The following TFCP2 variants were observed in gnomAD, a reference collection of about 807,000 sequenced individuals.
TFCP2 encodes the protein alpha-globin transcription factor CP2.
A neutral mutation model predicts 73.4 loss-of-function variants in TFCP2; 33 were observed. The ratio of observed to expected loss-of-function variants is 0.45; its 90% confidence interval spans 0.34 to 0.60. The LOEUF (loss-of-function observed/expected upper bound fraction) is 0.60, where lower values mean the gene tolerates loss of function less well. Ranked by LOEUF, TFCP2 falls within the 20% of genes least tolerant of loss-of-function variation. The pLI, the probability that TFCP2 is intolerant of heterozygous loss-of-function variation, is 0.01. For missense variants in TFCP2, 352 were observed against 604.0 expected, an observed-to-expected ratio of 0.58 and a Z score of 4.37; for synonymous variants, 193 against 211.6, an observed-to-expected ratio of 0.91 and a Z score of 0.76.
chr12:51,133,276 T>C (rs1406173008), intron 1 of TFCP2, among the ~76,000 whole-genome samples: 1 of 152,052 alleles, frequency 6.6e-6, no homozygotes, highest in Non-Finnish European at 1.5e-5. Flanking sequence ...TAAAACCTTT[T>C]ACTACACTGC....
In TFCP2 at chr12:51,094,199, C is replaced by T. The variant is rs1939902272; in HGVS notation, c.*1042G>A. 6.6e-6 allele frequency: 1 copy of T among 152,178 alleles called. No homozygotes were observed. Among genetic ancestry groups the T allele is most frequent in the African/African-American group, 2.4e-5 (1 of 41,452 alleles). The allele number at this position is 152,178 out of a possible 1,614,324, so 9.4% of individuals were successfully genotyped here. ...TCATTAATAAATAGTTTGAGAATGTCATTCAAGAACAGTAAATTTGGGGAG... is the reference window on the plus strand; with the variant it reads ...TCATTAATAAATAGTTTGAGAATGTTATTCAAGAACAGTAAATTTGGGGAG... On this transcript the variant is annotated 3_prime_UTR_variant, in exon 15 of 15. Transcript: ENST00000257915.
chr12:51,135,594 T>C (rs909892954), intron 1 of TFCP2, among the ~76,000 whole-genome samples: 1 of 152,206 alleles, frequency 6.6e-6, no homozygotes, highest in Non-Finnish European at 1.5e-5. Flanking sequence ...CTCTCAATCT[T>C]AGCAGCTGAA....
chr12:51,132,950 G>A (rs1940981140), intron 1 of TFCP2, among the ~76,000 whole-genome samples: 1 of 152,066 alleles, frequency 6.6e-6, no homozygotes, highest in South Asian at 2.1e-4. Flanking sequence ...AAGAAGAACT[G>A]CACGGTCAAT....
chr12:51,098,453 C>T lies in TFCP2; in HGVS notation c.1419+323G>A, dbSNP rs191341344. On this transcript the variant is annotated intron_variant, in intron 13 of 14. Coordinates refer to ENST00000257915, the MANE Select transcript of TFCP2 (RefSeq NM_005653.5). ...CCAACCTGGCCAACATGGCAAAACC[C>T]CATCTCTACTAAAAATACAAAAATT... Among the ~76,000 whole-genome samples the T allele has an allele frequency of 4.9e-3, 688 of 141,590 alleles. 4 individuals are homozygous for T. Among genetic ancestry groups the T allele is most frequent in the Admixed American group, 0.017 (228 of 13,228 alleles). 92.9% of individuals were successfully genotyped at this position (141,590 alleles called of 152,430 possible).
intron 1 of TFCP2, among the ~76,000 whole-genome samples, chr12:51,154,087 C>T (rs1310415652): frequency 6.6e-6 from 1 of 152,152 alleles, no homozygotes; most frequent in African/African-American, 2.4e-5. Flanking sequence ...AATAATATTC[C>T]ATTGTATGTA....
chr12:51,145,793 A>G (rs188930194), intron 1 of TFCP2, among the ~76,000 whole-genome samples: 1 of 151,390 alleles, frequency 6.6e-6, no homozygotes, highest in African/African-American at 2.4e-5. Flanking sequence ...TCCACAAAAA[A>G]TACAAAAAAT....
intron 1 of TFCP2, among the ~76,000 whole-genome samples, chr12:51,138,191 T>C (rs993773658): frequency 5.3e-5 from 8 of 152,054 alleles, no homozygotes; most frequent in African/African-American, 1.9e-4. Context: ...GCCCAGGCTG[T>C]AGTGCAATGG....
At chr12:51,161,992 T>C (rs1941660668) in intron 1 of TFCP2, among the ~76,000 whole-genome samples, 1 of 150,726 alleles carries the variant, frequency 6.6e-6, no homozygotes, top group African/African-American at 2.4e-5. Context: ...TAAAAATGAA[T>C]CAAATAGCAA....
At chr12:51,103,178 G>A (rs2136963811) in intron 10 of TFCP2, among the ~76,000 whole-genome samples, 1 of 152,122 alleles carries the variant, frequency 6.6e-6, no homozygotes. Flanking sequence ...AGCTAATCAG[G>A]AGGCTAAGGC....
At chr12:51,105,390 C>A (rs889224885) in intron 8 of TFCP2, among the ~76,000 whole-genome samples, 2 of 152,166 alleles carry the variant, frequency 1.3e-5, no homozygotes, top group Admixed American at 6.6e-5. Context: ...CCGCGCCCAG[C>A]CTGTTTTTCT....
At chr12:51,138,649 G>A (rs746301576) in intron 1 of TFCP2, among the ~76,000 whole-genome samples, 9 of 151,370 alleles carry the variant, frequency 5.9e-5, no homozygotes, top group Non-Finnish European at 1.2e-4. Flanking sequence ...ACCAAGTTTC[G>A]CTCTGTTGCC....
intron 1 of TFCP2, among the ~76,000 whole-genome samples, chr12:51,141,135 T>C (rs1941184062): frequency 6.6e-6 from 1 of 151,418 alleles, no homozygotes; most frequent in Non-Finnish European, 1.5e-5. Context: ...TCTCACCATC[T>C]TGCCTAGGAT....
chr12:51,104,350 T>C (rs752150253), intron 8 of TFCP2, 147 bp from the exon 9 acceptor site: 4 of 640,524 alleles, frequency 6.2e-6, no homozygotes, highest in Non-Finnish European at 7.9e-6. Flanking sequence ...TTTGACCCAA[T>C]ACTTTAATTT....
At position 51,111,107 on chromosome 12, in the gene TFCP2, CTTTGT is replaced by C. The variant is rs1246593915; in HGVS notation, c.458-129_458-125del. 1.0e-5 allele frequency: 6 copies of C among 588,292 alleles called. No individual in the cohort carries two copies. In the Admixed American group the frequency reaches 1.8e-4, roughly 17 times the overall value. The allele number at this position is 588,292 out of a possible 1,614,324, so 36.4% of individuals were successfully genotyped here. ...TTTTTGTATATCACATCCTAAATTT[CTTTGT>C]TTTTTTTTTTTGTCGTTGTTGTTGT... On this transcript the variant is annotated intron_variant, in intron 4 of 14. Coordinates refer to ENST00000257915, the MANE Select transcript of TFCP2 (RefSeq NM_005653.5).
At chr12:51,165,061 C>T (rs1405060975) in intron 1 of TFCP2, among the ~76,000 whole-genome samples, 4 of 152,080 alleles carry the variant, frequency 2.6e-5, no homozygotes, top group South Asian at 4.2e-4. Context: ...GAAAAAGATA[C>T]GATAAAATTC....
chr12:51,145,199 T>C (rs1382481638), intron 1 of TFCP2, among the ~76,000 whole-genome samples: 3 of 18,428 alleles, frequency 1.6e-4, no homozygotes, highest in African/African-American at 4.9e-4. Flanking sequence ...AGACTTCATC[T>C]CAAAAAAAAA....
At chr12:51,155,384 T>C (rs1457896541) in intron 1 of TFCP2, among the ~76,000 whole-genome samples, 3 of 152,202 alleles carry the variant, frequency 2.0e-5, no homozygotes, top group Non-Finnish European at 4.4e-5. Context: ...CATCCATCCA[T>C]CTATATCCTA....
At chr12:51,147,591 T>C (rs1010327356) in intron 1 of TFCP2, among the ~76,000 whole-genome samples, 2 of 152,056 alleles carry the variant, frequency 1.3e-5, no homozygotes, top group Non-Finnish European at 2.9e-5. Flanking sequence ...GCAAGCCACA[T>C]GTAGGAGAAT....
chr12:51,119,502 G>A (rs947182091), intron 1 of TFCP2, among the ~76,000 whole-genome samples: 3 of 152,298 alleles, frequency 2.0e-5, no homozygotes, highest in African/African-American at 7.2e-5. Flanking sequence ...TGTAATCCCA[G>A]CAATTTGGGA....
Sources: allele counts gnomAD v4.1 joint callset (sites outside exome capture counted in the v4.1 genomes callset), GRCh38; gene constraint gnomAD v4.1.1; transcripts MANE v1.5; gene names NCBI Gene and HGNC (gene_info 2026-07-23, HGNC 2026-07-21).